Variants in WDR88 observed in about 807,000 individuals in gnomAD.
WDR88 encodes WD repeat domain 88.
WDR88 carries 40 observed loss-of-function variants against 46.8 expected under a neutral mutation model. The observed-to-expected ratio is 0.86, with a 90% CI of 0.66 to 1.11. The LOEUF is 1.11. WDR88 is among the 50% of genes most tolerant of loss of function. WDR88 has a pLI of 0.00. For missense variants in WDR88, 562 were observed against 602.4 expected, an observed-to-expected ratio of 0.93 and a Z score of 0.70; for synonymous variants, 235 against 240.7, an observed-to-expected ratio of 0.98 and a Z score of 0.22.
chr19:33,135,398 T>G (rs1313655833), intron 1 of WDR88, among the ~76,000 whole-genome samples: 1 of 152,190 alleles, frequency 6.6e-6, no homozygotes, highest in Non-Finnish European at 1.5e-5. Context: ...TACCAAGTAA[T>G]ATTCTGTTGC....
chr19:33,161,702 T>C (rs1432384328), intron 8 of WDR88, among the ~76,000 whole-genome samples: 1 of 151,966 alleles, frequency 6.6e-6, no homozygotes, highest in Non-Finnish European at 1.5e-5. Flanking sequence ...CAGTGGCTCA[T>C]GCCTGTAATC....
intron 10 of WDR88, among the ~76,000 whole-genome samples, chr19:33,173,566 T>C (rs1286143122): frequency 6.6e-6 from 1 of 152,254 alleles, no homozygotes; most frequent in Non-Finnish European, 1.5e-5. Flanking sequence ...CTTGGCCTCC[T>C]CTCAGAAGGT....
intron 5 of WDR88, among the ~76,000 whole-genome samples, chr19:33,150,691 C>T (rs188814140): frequency 6.6e-6 from 1 of 152,370 alleles, no homozygotes; most frequent in African/African-American, 2.4e-5. Context: ...TCCCTAATAG[C>T]CCCTAAGAGC....
At chr19:33,135,243 G>C (rs1973238681) in intron 1 of WDR88, among the ~76,000 whole-genome samples, 1 of 152,130 alleles carries the variant, frequency 6.6e-6, no homozygotes, top group African/African-American at 2.4e-5. Flanking sequence ...TCTGCTTTCT[G>C]TCCATAGATT....
intron 1 of WDR88, among the ~76,000 whole-genome samples, chr19:33,134,625 G>T (rs1973212639): frequency 6.6e-6 from 1 of 152,080 alleles, no homozygotes; most frequent in Non-Finnish European, 1.5e-5. Flanking sequence ...TCATGTCCCG[G>T]GGACTGGGGC....
At chr19:33,157,521 A>C (rs1435508345) in intron 7 of WDR88, among the ~76,000 whole-genome samples, 1 of 85,600 alleles carries the variant, frequency 1.2e-5, no homozygotes, top group East Asian at 5.9e-4. Context: ...ATGTATATAT[A>C]TGTGTATATA....
At chr19:33,175,271 G>C (rs1337508439) in intron 10 of WDR88, 125 bp from the exon 11 acceptor site, 19 of 1,006,974 alleles carry the variant, frequency 1.9e-5, no homozygotes, top group Non-Finnish European at 2.5e-5. Flanking sequence ...AAACCAAAAA[G>C]AGATTCCAGA....
chr19:33,147,821 T>G (rs1973550749), intron 4 of WDR88, 113 bp downstream of exon 4: 1 of 865,268 alleles, frequency 1.2e-6, no homozygotes, highest in Non-Finnish European at 1.8e-6. Flanking sequence ...TCCATTCTTC[T>G]AGGAAGGAGG....
intron 9 of WDR88, among the ~76,000 whole-genome samples, chr19:33,170,824 T>TGCACTC (rs1258087663): frequency 6.6e-6 from 1 of 151,920 alleles, no homozygotes; most frequent in Non-Finnish European, 1.5e-5. Flanking sequence ...GGCATGCCAC[T>TGCACTC]GCACTCGGGC....
At position 33,151,270 on chromosome 19, in the gene WDR88, T is replaced by G. The variant is rs761395193; in HGVS notation, c.769T>G (p.Trp257Gly). 3 of 1,613,730 alleles carry G rather than the reference T, an allele frequency of 1.9e-6. No individual in the cohort carries two copies. Among genetic ancestry groups the G allele is most frequent in the Non-Finnish European group, 2.5e-6 (3 of 1,179,890 alleles). ...SVSLDRCIKI[W>G]DVTSQATLLT... ...CTCATTGGACAGGTGCATCAAGATCTGGGATGTTACATCCCAGGCCACGCT... is the reference window on the plus strand; with the variant it reads ...CTCATTGGACAGGTGCATCAAGATCGGGGATGTTACATCCCAGGCCACGCT... The change falls in exon 6 of 11, where the codon TGG (tryptophan) becomes GGG (glycine). Residue 257 changes from tryptophan to glycine, a missense_variant. Coordinates refer to ENST00000355868, the MANE Select transcript of WDR88 (RefSeq NM_173479.4).
At chr19:33,134,730 C>T (rs942434533) in intron 1 of WDR88, among the ~76,000 whole-genome samples, 1 of 152,060 alleles carries the variant, frequency 6.6e-6, no homozygotes, top group Non-Finnish European at 1.5e-5. Flanking sequence ...GGTCCCAGCT[C>T]TCCACGCTCC....
chr19:33,132,985 G>A (rs1427135466), intron 1 of WDR88, among the ~76,000 whole-genome samples: 2 of 151,564 alleles, frequency 1.3e-5, no homozygotes, highest in African/African-American at 4.8e-5. Context: ...CATAGTGAGA[G>A]GTCGTCTCTA....
intron 5 of WDR88, among the ~76,000 whole-genome samples, chr19:33,150,566 C>A (rs1047848633): frequency 1.3e-5 from 2 of 152,260 alleles, no homozygotes; most frequent in Non-Finnish European, 2.9e-5. Flanking sequence ...TCTTCCTGAA[C>A]CCTGTGTGTA....
intron 1 of WDR88, among the ~76,000 whole-genome samples, chr19:33,133,218 AAG>A (rs1973174930): frequency 7.0e-6 from 1 of 143,276 alleles, no homozygotes; most frequent in Non-Finnish European, 1.5e-5. Flanking sequence ...GAGAGAAAGA[AAG>A]AAAGAAAAAG....
intron 6 of WDR88, 103 bp from the exon 7 acceptor site, chr19:33,156,252 C>A (rs1158425248): frequency 1.6e-6 from 2 of 1,252,986 alleles, no homozygotes; most frequent in Non-Finnish European, 2.2e-6. Flanking sequence ...CATGTGCAGC[C>A]CGACCATGAG....
intron 7 of WDR88, among the ~76,000 whole-genome samples, chr19:33,159,382 A>ATAAATAAATAAC (rs1555726419): frequency 1.4e-5 from 2 of 144,050 alleles, no homozygotes; most frequent in African/African-American, 5.2e-5. Context: ...AAATAAATAA[A>ATAAATAAATAAC]TAACAAATAA....
chr19:33,164,230 A>G lies in WDR88; in HGVS notation c.1114A>G (p.Ser372Gly). 6.2e-7 allele frequency: 1 copy of G among 1,614,048 alleles called. No homozygotes were observed. The highest frequency in any genetic ancestry group is 8.5e-7 in the Non-Finnish European group (1 of 1,179,882). The change falls in exon 9 of 11, where the codon AGC becomes GGC. Residue 372 changes from serine (S) to glycine (G), a missense_variant. Transcript: ENST00000355868. ...HNDWVMDVAI[S>G]NNKKWILSAS... is the part of the protein sequence containing the mutation. The stretch of plus-strand genomic sequence containing the variant: ...TGACTGGGTGATGGATGTTGCCATT[A>G]GCAACAACAAGAAATGGATCCTGTC...
intron 9 of WDR88, among the ~76,000 whole-genome samples, chr19:33,165,569 G>A (rs1973939540): frequency 6.6e-6 from 1 of 152,056 alleles, no homozygotes; most frequent in South Asian, 2.1e-4. Context: ...TTAACAGTAG[G>A]GCAAATTAAA....
Position 33,156,490 on chromosome 19 carries a change from T to G in WDR88, c.945T>G (p.Thr315=), listed in dbSNP as rs1973738025. 7 of 1,614,000 alleles carry G rather than the reference T, an allele frequency of 4.3e-6. No homozygotes were observed. The highest frequency in any genetic ancestry group is 5.9e-6 in the Non-Finnish European group (7 of 1,180,014). ...TTCGAAACTGTGGAGCCTGTGTGAC[T>G]CTGATGCAGGGCCATGAAGGTTCTG... ...GEFRNCGACV[T]LMQGHEGSVS... The change falls in exon 7 of 11, where the codon ACT becomes ACG. Residue 315 remains threonine, a synonymous_variant. Transcript: ENST00000355868.
Sources: allele counts gnomAD v4.1 joint callset (sites outside exome capture counted in the v4.1 genomes callset), GRCh38; gene constraint gnomAD v4.1.1; transcripts MANE v1.5; gene names NCBI Gene and HGNC (gene_info 2026-07-23, HGNC 2026-07-21).